ABCA2: variants seen among roughly 807,000 people sequenced by gnomAD.
ABCA2 encodes the protein ATP binding cassette subfamily A member 2, also known as ATP-binding cassette sub-family A member 2.
A neutral mutation model predicts 262.8 loss-of-function variants in ABCA2; 84 were observed. The observed-to-expected ratio is 0.32, with a 90% CI of 0.27 to 0.38. The LOEUF (loss-of-function observed/expected upper bound fraction) is 0.38. ABCA2 is among the 10% of genes least tolerant of loss of function. ABCA2 has a pLI of 1.00. For missense variants in ABCA2, 2,662 were observed against 3,405.9 expected, an observed-to-expected ratio of 0.78 and a Z score of 5.44; for synonymous variants, 1,696 against 1,502.9, an observed-to-expected ratio of 1.13 and a Z score of -2.97.
rs751463532 is a variant in ABCA2 at position 137,009,757 on chromosome 9, C to G, written c.6630+12G>C. 1.7e-5 allele frequency: 27 copies of G among 1,610,548 alleles called. No homozygotes were observed. Among genetic ancestry groups the G allele is most frequent in the Non-Finnish European group, 2.1e-5 (25 of 1,178,488 alleles). ...AGGCCAGGCAGCCACCCCCCACCCA[C>G]CCAGGACTTACCAGGAAGATGAAGG... On this transcript the variant is annotated intron_variant, in intron 43 of 48. Coordinates refer to ENST00000341511, the MANE Select transcript of ABCA2 (RefSeq NM_001606.5).
At position 137,010,961 on chromosome 9, in the gene ABCA2, C is replaced by T. The variant is rs1377675091; in HGVS notation, c.6056+12G>A. 9 of 1,447,726 alleles carry T rather than the reference C, an allele frequency of 6.2e-6. No homozygotes were observed. Among genetic ancestry groups the T allele is most frequent in the African/African-American group, 1.4e-5 (1 of 69,220 alleles). The allele number at this position is 1,447,726 out of a possible 1,614,324, so 89.7% of individuals were successfully genotyped here. On this transcript the variant is annotated intron_variant, in intron 39 of 48. Coordinates refer to ENST00000341511, the MANE Select transcript of ABCA2 (RefSeq NM_001606.5). The stretch of plus-strand genomic sequence containing the variant: ...CCCGCCCCGCCCCCGCCCCACCCCG[C>T]CCCCCACTCACTGTGGCCGCCGCAG...
chr9:137,016,669 G>A lies in ABCA2; in HGVS notation c.2828C>T (p.Thr943Ile), dbSNP rs1251876308. The A allele has an allele frequency of 1.2e-6, 2 of 1,601,176 alleles. No individual in the cohort carries two copies. Among genetic ancestry groups the A allele is most frequent in the Non-Finnish European group, 1.7e-6 (2 of 1,174,168 alleles). The change falls in exon 20 of 49, where the codon ACA (threonine) becomes ATA (isoleucine). Residue 943 changes from threonine to isoleucine, a missense_variant. By Grantham distance (89) the Thr-to-Ile change is moderately conservative. Around this residue, in one of 12 missense-constraint regions of ABCA2, gnomAD observed 133 missense variants for 150.8 expected, o/e 0.88. Coordinates refer to ENST00000341511, the MANE Select transcript of ABCA2 (RefSeq NM_001606.5). ...CGGCCAGCTCCACTCCCAGGCTTCT[G>A]TCCGCCCACTGCCCAGCCAGTAGGA... is the stretch of plus-strand genomic sequence containing the variant. ...QKSYWLGSGR[T>I]EAWEWSWPWA... is the part of the protein sequence containing the mutation.
Position 137,011,639 on chromosome 9 carries a change from G to C in ABCA2, c.5646C>G (p.Leu1882=). 1.3e-6 allele frequency: 2 copies of C among 1,553,162 alleles called. No homozygotes were observed. The highest frequency in any genetic ancestry group is 8.7e-7 in the Non-Finnish European group (1 of 1,148,714). The part of the protein sequence containing the change: ...NFPAVLSLFL[L]YGWSITPIMY... ...CCCCCTCCGCTTCCGCTTACCCATA[G>C]AGCAGGAAGAGGGAGAGGACGGCAG... Residue 1882 remains leucine, a synonymous_variant, in exon 36 of 49, where the codon CTC becomes CTG. Coordinates refer to ENST00000341511, the MANE Select transcript of ABCA2 (RefSeq NM_001606.5). The surrounding 1 kb of genome is among the most constrained non-coding windows in gnomAD (Gnocchi z 8.8).
At position 137,021,730 on chromosome 9, in the gene ABCA2, C is replaced by A; in HGVS notation, c.679-120G>T. ...CTCTGGGGCTGCCTGGGTCCCACGA[C>A]ATGCCTCTACCCCTCATGCCTGCCA... On this transcript the variant is annotated intron_variant, in intron 7 of 48. Transcript: ENST00000341511. The surrounding 1 kb of genome is among the most constrained non-coding windows in gnomAD (Gnocchi z 6.0). The A allele has an allele frequency of 8.0e-7, 1 of 1,252,974 alleles. No individual in the cohort carries two copies. The highest frequency in any genetic ancestry group is 2.1e-5 in the Admixed American group (1 of 47,374). 77.6% of individuals were successfully genotyped at this position (1,252,974 alleles called of 1,614,324 possible). A position where few individuals can be genotyped will look rare whatever the true frequency, so the allele number is the denominator to read the frequency against.
chr9:137,021,168 G>T lies in ABCA2; in HGVS notation c.898-107C>A. The T allele has an allele frequency of 7.1e-7, 1 of 1,413,202 alleles. No homozygotes were observed. Among genetic ancestry groups the T allele is most frequent in the Non-Finnish European group, 9.3e-7 (1 of 1,078,048 alleles). The allele number at this position is 1,413,202 out of a possible 1,614,324, so 87.5% of individuals were successfully genotyped here. A position where few individuals can be genotyped will look rare whatever the true frequency, so the allele number is the denominator to read the frequency against. ...AGCAGCAGGGAGACACAAGCTAGGG[G>T]TGCTGGGAGGGAGTCTGCAGCCTGG... On this transcript the variant is annotated intron_variant, in intron 8 of 48. Coordinates refer to ENST00000341511, the MANE Select transcript of ABCA2 (RefSeq NM_001606.5). This position sits in a 1 kb window ranked among gnomAD's most constrained non-coding sequence, Gnocchi z 6.0.
Position 137,013,455 on chromosome 9 carries a change from C to T in ABCA2, c.4550+6G>A. 3 of 1,600,576 alleles carry T rather than the reference C, an allele frequency of 1.9e-6. No homozygotes were observed. Among genetic ancestry groups the T allele is most frequent in the East Asian group, 2.3e-5 (1 of 44,396 alleles). ...CCACCAAGGCTGCCCCCGCTGGAGG[C>T]CTCACCGGTACTCGCGGCGCTCCTC... On this transcript the variant is annotated splice_donor_region_variant and intron_variant, in intron 29 of 48. Coordinates refer to ENST00000341511, the MANE Select transcript of ABCA2 (RefSeq NM_001606.5).
intron 28 of ABCA2, 95 bp from the exon 29 acceptor site, chr9:137,013,658 G>GGAAAAGGTGACTCCATGCATGCCCA: frequency 7.2e-7 from 1 of 1,393,792 alleles, no homozygotes. Flanking sequence ...AGGGATCCAC[G>GGAAAAGGTGACTCCATGCATGCCCA]CCTGGGGTCT....
At chr9:137,028,919 TTCTGCG>T, upstream of ABCA2, 1 of 1,287,322 alleles carries the variant, frequency 7.8e-7, no homozygotes, top group Non-Finnish European at 1.0e-6. The surrounding 1 kb of genome is among the most constrained non-coding windows in gnomAD (Gnocchi z 6.9). Context: ...GATCAGGCGG[TTCTGCG>T]GCTGTGGCTT....
chr9:137,017,540 G>A lies in ABCA2; in HGVS notation c.2364C>T (p.Leu788=). The change falls in exon 17 of 49, where the codon CTC becomes CTT. Residue 788 remains leucine, a synonymous_variant. Coordinates refer to ENST00000341511, the MANE Select transcript of ABCA2 (RefSeq NM_001606.5). The part of the protein sequence containing the change: ...LMHSHVVIIW[L]FLAVYAVATI... ...TGGCCACCGCGTAGACTGCCAGGAA[G>A]AGCCAGATGATGACCACGTGGCTGT... 6.2e-7 allele frequency: 1 copy of A among 1,611,196 alleles called. No homozygotes were observed. Among genetic ancestry groups the A allele is most frequent in the East Asian group, 2.2e-5 (1 of 44,834 alleles).
At chr9:137,026,140 T>G (rs1445681114) in intron 1 of ABCA2, among the ~76,000 whole-genome samples, 1 of 152,198 alleles carries the variant, frequency 6.6e-6, no homozygotes, top group Non-Finnish European at 1.5e-5. Context: ...AAGAGCAGCC[T>G]GTAGCCCAAG....
At position 137,007,715 on chromosome 9, in the gene ABCA2, G is replaced by C; in HGVS notation, c.*214C>G. 1 of 664,838 alleles carries C rather than the reference G, an allele frequency of 1.5e-6. No individual in the cohort carries two copies. The highest frequency in any genetic ancestry group is 2.6e-6 in the Non-Finnish European group (1 of 384,356). The allele number at this position is 664,838 out of a possible 1,614,324, so 41.2% of individuals were successfully genotyped here. On this transcript the variant is annotated 3_prime_UTR_variant, in exon 49 of 49. Transcript: ENST00000341511. ...GCAGGGCAAGGGTGTACGCAGCCCG[G>C]GCCGGGTCAGCCTTTGGCACAATTA... is the stretch of plus-strand genomic sequence containing the variant.
rs1830985371 is a variant in ABCA2, at chr9:137,010,221, C to A, written c.6325G>T (p.Gly2109Trp). Residue 2109 changes from glycine to tryptophan, a missense_variant, in exon 41 of 49, where the codon GGG becomes TGG. Physicochemically the swap from Gly to Trp is radical, Grantham distance 184 (BLOSUM62 -2). Around this residue, in one of 12 missense-constraint regions of ABCA2, gnomAD observed 602 missense variants for 897.4 expected, o/e 0.67. Coordinates refer to ENST00000341511, the MANE Select transcript of ABCA2 (RefSeq NM_001606.5). ...KMLTGDESTTGGEAFVNGHSV... is the reference protein window; with the variant it reads ...KMLTGDESTTWGEAFVNGHSV... The stretch of plus-strand genomic sequence containing the variant: ...TGTCCATTGACGAAGGCCTCGCCCC[C>A]CGTCGTGCTCTCGTCGCCGGTCAGC... The A allele has an allele frequency of 1.2e-6, 2 of 1,605,426 alleles. No individual in the cohort carries two copies. Among genetic ancestry groups the A allele is most frequent in the Non-Finnish European group, 1.7e-6 (2 of 1,178,402 alleles).
chr9:137,023,549 G>A (rs1021275514), intron 3 of ABCA2: 17 of 739,220 alleles, frequency 2.3e-5, no homozygotes, highest in Non-Finnish European at 3.7e-5. Context: ...CCCAGACTCA[G>A]CCCAGAAGCC....
At chr9:137,018,375 G>A (rs1484557452) in intron 13 of ABCA2, 24 bp from the exon 14 acceptor site, 4 of 1,462,442 alleles carry the variant, frequency 2.7e-6, no homozygotes, top group Admixed American at 1.9e-5. Flanking sequence ...GTTGGGGCGG[G>A]GCCAAGATGC....
chr9:137,022,535 A>C (rs116955868), intron 5 of ABCA2, 57 bp from the exon 6 acceptor site: 1 of 1,590,150 alleles, frequency 6.3e-7, no homozygotes, highest in Admixed American at 1.7e-5. Flanking sequence ...AGGTGCCCCC[A>C]CATGCGCTCG....
Position 137,008,410 on chromosome 9 carries a change from G to T in ABCA2, c.7275+6C>A, listed in dbSNP as rs1003874841. Reference sequence around the variant, plus strand: ...CCCTGGACAGCCATGAGAGCAGCCTGCTCACCCGCTCCTCCTCGAAGCTGA... The same window carrying T: ...CCCTGGACAGCCATGAGAGCAGCCTTCTCACCCGCTCCTCCTCGAAGCTGA... On this transcript the variant is annotated splice_donor_region_variant and intron_variant, in intron 48 of 48. Coordinates refer to ENST00000341511, the MANE Select transcript of ABCA2 (RefSeq NM_001606.5). 3 of 1,549,324 alleles carry T rather than the reference G, an allele frequency of 1.9e-6. No individual in the cohort carries two copies. In the African/African-American group the frequency reaches 4.1e-5, roughly 21 times the overall value.
rs376427261 is a variant in ABCA2, at chr9:137,011,791, C to A, written c.5536-42G>T. On this transcript the variant is annotated intron_variant, in intron 35 of 48. Coordinates refer to ENST00000341511, the MANE Select transcript of ABCA2 (RefSeq NM_001606.5). The surrounding 1 kb of genome is among the most constrained non-coding windows in gnomAD (Gnocchi z 8.8). The stretch of plus-strand genomic sequence containing the variant: ...GGCTGGTGAGAGACCCGGGGCAGGG[C>A]GGGGATGGGGGATGAGAAGGGCCGG... The A allele has an allele frequency of 3.2e-6, 3 of 947,562 alleles. No homozygotes were observed. Among genetic ancestry groups the A allele is most frequent in the Middle Eastern group, 2.5e-4 (1 of 4,068 alleles). The allele number at this position is 947,562 out of a possible 1,614,324, so 58.7% of individuals were successfully genotyped here.
At chr9:137,022,042 G>A (rs759418404) in intron 6 of ABCA2, 41 bp from the exon 7 acceptor site, 7 of 173,076 alleles carry the variant, frequency 4.0e-5, no homozygotes, top group Non-Finnish European at 5.3e-5. Flanking sequence ...GGTGTGGGGG[G>A]CGTGGCTCAG....
chr9:137,009,943 C>G lies in ABCA2; in HGVS notation c.6495+40G>C, dbSNP rs762065710. The G allele has an allele frequency of 2.5e-6, 4 of 1,597,712 alleles. No individual in the cohort carries two copies. The South Asian group carries it at 3.3e-5, about 13-fold the overall frequency. ...CAGGTGTCAGTGGAGGCAGGGCCACCCAGCGTGCTGACTCCCTGCCCCGCC... is the reference window on the plus strand; with the variant it reads ...CAGGTGTCAGTGGAGGCAGGGCCACGCAGCGTGCTGACTCCCTGCCCCGCC... On this transcript the variant is annotated intron_variant, in intron 42 of 48. Coordinates refer to ENST00000341511, the MANE Select transcript of ABCA2 (RefSeq NM_001606.5).
Sources: gnomAD v4.1 joint callset for allele counts (sites outside exome capture counted in the v4.1 genomes callset) on GRCh38, gnomAD v4.1.1 for gene constraint, gnomAD v4.1.1 regional missense constraint, Gnocchi (gnomAD v3.1) non-coding constraint, MANE v1.5 for transcripts, NCBI Gene and HGNC (gene_info 2026-07-23, HGNC 2026-07-21) for gene names.